Variants in AOAH observed in about 807,000 individuals in gnomAD.
AOAH encodes the protein acyloxyacyl hydrolase (neutrophil).
AOAH carries 64 observed loss-of-function variants against 92.2 expected under a neutral mutation model. That is an observed-to-expected ratio of 0.69 (90% CI 0.57 to 0.86). AOAH has a LOEUF of 0.86. AOAH is among the 40% of genes least tolerant of loss of function. AOAH has a pLI of 0.00. For missense variants in AOAH, 656 were observed against 694.6 expected, an observed-to-expected ratio of 0.94 and a Z score of 0.62; for synonymous variants, 263 against 254.5, an observed-to-expected ratio of 1.03 and a Z score of -0.32.
At chr7:36,665,970 C>T (rs1426642273) in intron 3 of AOAH, among the ~76,000 whole-genome samples, 1 of 151,980 alleles carries the variant, frequency 6.6e-6, no homozygotes, top group Non-Finnish European at 1.5e-5. Flanking sequence ...CGAGGATTTT[C>T]CAATCTATAT....
At chr7:36,687,031 T>C (rs1797072514) in intron 1 of AOAH, among the ~76,000 whole-genome samples, 1 of 152,174 alleles carries the variant, frequency 6.6e-6, no homozygotes, top group Non-Finnish European at 1.5e-5. Flanking sequence ...CTCTCCTTTC[T>C]GCAGTAGATG....
intron 4 of AOAH, among the ~76,000 whole-genome samples, chr7:36,650,715 A>T (rs1314706721): frequency 1.3e-5 from 2 of 152,194 alleles, no homozygotes; most frequent in Non-Finnish European, 2.9e-5. Context: ...CATCCTCACA[A>T]GGGAGAAGGT....
chr7:36,616,311 TAG>T (rs1791876116), intron 11 of AOAH, 67 bp downstream of exon 11: 1 of 1,307,366 alleles, frequency 7.6e-7, no homozygotes, highest in Non-Finnish European at 1.1e-6. Flanking sequence ...GCATCCCATT[TAG>T]AGAGAGCAAG....
intron 2 of AOAH, among the ~76,000 whole-genome samples, chr7:36,675,964 A>G (rs10246586): frequency 0.24 from 36,741 of 152,136 alleles, 4,973 homozygotes; most frequent in African/African-American, 0.37. Flanking sequence ...ATAAAAGGGA[A>G]TGTCCTCAAC....
chr7:36,616,497 A>G (rs1791892122), intron 10 of AOAH, 23 bp from the exon 11 acceptor site: 9 of 1,600,286 alleles, frequency 5.6e-6, no homozygotes, highest in Middle Eastern at 1.7e-4. Context: ...ATTTATTCAC[A>G]TTATTTATGC....
intron 2 of AOAH, among the ~76,000 whole-genome samples, chr7:36,676,080 T>C (rs548111442): frequency 4.4e-4 from 67 of 152,158 alleles, no homozygotes; most frequent in Non-Finnish European, 8.1e-4. Context: ...ATATCTGCAG[T>C]CACTACTTTT....
intron 6 of AOAH, among the ~76,000 whole-genome samples, chr7:36,624,642 G>A (rs963216848): frequency 2.0e-5 from 3 of 152,206 alleles, no homozygotes; most frequent in Non-Finnish European, 2.9e-5. Context: ...GAGGAGGAGC[G>A]GAGAAGTTGG....
chr7:36,664,075 G>A (rs887474164), intron 3 of AOAH, among the ~76,000 whole-genome samples: 31 of 151,644 alleles, frequency 2.0e-4, no homozygotes, highest in African/African-American at 6.3e-4. Flanking sequence ...GTTGTTTGTC[G>A]TTGAGTTTTA....
chr7:36,664,909 AG>A (rs562775311), intron 3 of AOAH, among the ~76,000 whole-genome samples: 1 of 152,178 alleles, frequency 6.6e-6, no homozygotes, highest in Non-Finnish European at 1.5e-5. Flanking sequence ...TGAGAGAGTG[AG>A]GGGGAAAGTA....
chr7:36,684,047 A>C (rs1261947355), intron 2 of AOAH, among the ~76,000 whole-genome samples: 1 of 152,120 alleles, frequency 6.6e-6, no homozygotes, highest in Admixed American at 6.5e-5. Flanking sequence ...ATTCCTAAGC[A>C]TCTGGTTTGT....
At chr7:36,567,902 G>A (rs1204539971) in intron 13 of AOAH, among the ~76,000 whole-genome samples, 1 of 152,202 alleles carries the variant, frequency 6.6e-6, no homozygotes, top group East Asian at 1.9e-4. Context: ...CACTGTAGGG[G>A]AGGAAAAAGA....
intron 20 of AOAH, among the ~76,000 whole-genome samples, chr7:36,521,653 C>T (rs558239779): frequency 3.4e-4 from 51 of 151,888 alleles, no homozygotes; most frequent in African/African-American, 1.2e-3. Context: ...AAAAAATCCT[C>T]GTCATTTTCC....
At chr7:36,662,506 C>T (rs1375117303) in intron 3 of AOAH, among the ~76,000 whole-genome samples, 3 of 152,236 alleles carry the variant, frequency 2.0e-5, no homozygotes, top group Non-Finnish European at 2.9e-5. Flanking sequence ...GAGAGGGTGG[C>T]TGTTTTCACA....
At chr7:36,554,123 T>C (rs372743599) in intron 13 of AOAH, among the ~76,000 whole-genome samples, 7 of 152,168 alleles carry the variant, frequency 4.6e-5, no homozygotes, top group South Asian at 2.1e-4. Context: ...TTAGGTCTAA[T>C]GTTTAAGTCT....
intron 4 of AOAH, among the ~76,000 whole-genome samples, chr7:36,656,880 T>A (rs12534388): frequency 7.3e-6 from 1 of 136,610 alleles, no homozygotes; most frequent in Admixed American, 7.6e-5. Context: ...AGAGGTTTGG[T>A]GGGGGGTGTT....
chr7:36,564,813 A>G (rs1787567279), intron 13 of AOAH, among the ~76,000 whole-genome samples: 1 of 152,226 alleles, frequency 6.6e-6, no homozygotes, highest in African/African-American at 2.4e-5. Context: ...CATTACAATC[A>G]CTGTCATGCC....
intron 11 of AOAH, among the ~76,000 whole-genome samples, chr7:36,602,808 G>A (rs1790707691): frequency 6.6e-6 from 1 of 152,192 alleles, no homozygotes; most frequent in Non-Finnish European, 1.5e-5. Flanking sequence ...TTACAGAGGG[G>A]AAAGTGGAGA....
chr7:36,689,368 T>C (rs754862456), intron 1 of AOAH, among the ~76,000 whole-genome samples: 2 of 152,170 alleles, frequency 1.3e-5, no homozygotes, highest in Non-Finnish European at 2.9e-5. Flanking sequence ...ATAATAGAAA[T>C]TCATTTCTCA....
rs531437641 is a variant in AOAH, at chr7:36,713,311, C to T, written c.127+10711G>A. ...AATATATATGCACCCAATACAGGAGCACCCAGATTCATAAAGCAAGTCCTT... is the reference window on the plus strand; with the variant it reads ...AATATATATGCACCCAATACAGGAGTACCCAGATTCATAAAGCAAGTCCTT... On this transcript the variant is annotated intron_variant, in intron 1 of 20. Coordinates refer to ENST00000617537, the MANE Select transcript of AOAH (RefSeq NM_001637.4). Among the ~76,000 whole-genome samples the T allele has an allele frequency of 1.3e-4, 13 of 96,764 alleles. No homozygotes were observed. The South Asian group carries it at 3.7e-3, about 28-fold the overall frequency. 63.5% of individuals were successfully genotyped at this position (96,764 alleles called of 152,430 possible).
Sources: allele counts gnomAD v4.1 joint callset (sites outside exome capture counted in the v4.1 genomes callset), GRCh38; gene constraint gnomAD v4.1.1; transcripts MANE v1.5; gene names NCBI Gene and HGNC (gene_info 2026-07-23, HGNC 2026-07-21).